XKR4: variants seen among roughly 807,000 people sequenced by gnomAD.
XKR4 encodes the protein XK related 4, also known as XK-related protein 4.
In XKR4, 12 loss-of-function variants were observed where a neutral mutation model predicts 53.9. That is an observed-to-expected ratio of 0.22 (90% CI 0.14 to 0.36). The LOEUF is 0.36. Ranked by LOEUF, XKR4 falls within the 10% of genes least tolerant of loss-of-function variation. The pLI, the probability that XKR4 is intolerant of heterozygous loss-of-function variation, is 1.00. For synonymous variants in XKR4, 354 were observed against 362.4 expected (o/e 0.98, Z 0.26); for missense variants, 799 against 859.5 (o/e 0.93, Z 0.88).
intron 2 of XKR4, among the ~76,000 whole-genome samples, chr8:55,409,615 A>G (rs2129391002): frequency 6.6e-6 from 1 of 150,868 alleles, no homozygotes; most frequent in South Asian, 2.1e-4. Context: ...GTTTAATTTT[A>G]CGTGAACTCT....
At chr8:55,451,659 A>T (rs1336052449) in intron 2 of XKR4, 2 of 1,555,316 alleles carry the variant, frequency 1.3e-6, no homozygotes, top group East Asian at 4.5e-5. Flanking sequence ...TGTCCTGGAC[A>T]CTCTGGGGCA....
At chr8:55,327,665 A>G (rs895788258) in intron 1 of XKR4, among the ~76,000 whole-genome samples, 1 of 152,232 alleles carries the variant, frequency 6.6e-6, no homozygotes, top group East Asian at 1.9e-4. Context: ...CTTTTAATAC[A>G]TATAAGTATA....
At chr8:55,348,299 G>A (rs752667800) in intron 1 of XKR4, among the ~76,000 whole-genome samples, 1 of 152,168 alleles carries the variant, frequency 6.6e-6, no homozygotes, top group Non-Finnish European at 1.5e-5. Context: ...CAGCGTGCTT[G>A]TCATGAGTGA....
rs1169022205 is a variant in XKR4 at position 55,527,666 on chromosome 8, C to T, written c.*3439C>T. The T allele has an allele frequency of 6.6e-6, 1 of 152,184 alleles. No individual in the cohort carries two copies. The highest frequency in any genetic ancestry group is 2.4e-5 in the African/African-American group (1 of 41,450). The allele number at this position is 152,184 out of a possible 1,614,324, so 9.4% of individuals were successfully genotyped here. ...AACTACATACTGTCTAGTTCAATAG[C>T]ACTGACTTTGCAGACACTTAGTTAC... On this transcript the variant is annotated 3_prime_UTR_variant, in exon 3 of 3. Coordinates refer to ENST00000327381, the MANE Select transcript of XKR4 (RefSeq NM_052898.2).
intron 2 of XKR4, among the ~76,000 whole-genome samples, chr8:55,377,632 G>A (rs1021028910): frequency 3.3e-5 from 5 of 152,148 alleles, no homozygotes; most frequent in African/African-American, 7.2e-5. Flanking sequence ...AGGAGAGAAG[G>A]AGGAAGGAAA....
At chr8:55,520,383 C>T (rs1029621856) in intron 2 of XKR4, among the ~76,000 whole-genome samples, 7 of 152,280 alleles carry the variant, frequency 4.6e-5, no homozygotes, top group East Asian at 1.9e-4. Flanking sequence ...GCAAGGAGTT[C>T]GAGACCAGCC....
Position 55,480,575 on chromosome 8 carries a change from T to G in XKR4, c.1007-42706T>G, listed in dbSNP as rs1428426122. On this transcript the variant is annotated intron_variant, in intron 2 of 2. Transcript: ENST00000327381. ...AGGGCAATCAGGCAGGAGAAGGAAA[T>G]AAAGGGTATTCAATTAGGAAAAGAG... Among the ~76,000 whole-genome samples the G allele has an allele frequency of 3.3e-5, 5 of 152,032 alleles. No individual in the cohort carries two copies. The East Asian group carries it at 5.8e-4, about 18-fold the overall frequency.
chr8:55,393,595 A>G (rs1876233), intron 2 of XKR4, among the ~76,000 whole-genome samples: 103,737 of 152,034 alleles, frequency 0.68, 36,336 homozygotes, highest in African/African-American at 0.84. Context: ...AGTTAAGAAA[A>G]TGTTTTGTTA....
Position 55,408,120 on chromosome 8 carries a change from A to T in XKR4, c.1006+50243A>T, listed in dbSNP as rs1804714227. Among the ~76,000 whole-genome samples the T allele has an allele frequency of 2.6e-5, 4 of 152,204 alleles. No homozygotes were observed. The South Asian group carries it at 8.3e-4, about 31-fold the overall frequency. ...TGTCCCTGCAGTAAGCCCCTATCAC[A>T]CAGGGGAAAAGCAGGCAATTAGTAA... On this transcript the variant is annotated intron_variant, in intron 2 of 2. Coordinates refer to ENST00000327381, the MANE Select transcript of XKR4 (RefSeq NM_052898.2).
At chr8:55,182,310 GGGTGCATTTCTTTTATGGATTACACTTT>G (rs1446927931) in intron 1 of XKR4, among the ~76,000 whole-genome samples, 2 of 151,752 alleles carry the variant, frequency 1.3e-5, no homozygotes, top group Non-Finnish European at 2.9e-5. Context: ...ATCACACTTT[GGGTGCATTTCTTTTATGGATTACACTTT>G]GGTGCATTTC....
chr8:55,166,353 G>A (rs1415584238), intron 1 of XKR4, among the ~76,000 whole-genome samples: 1 of 152,178 alleles, frequency 6.6e-6, no homozygotes, highest in African/African-American at 2.4e-5. Flanking sequence ...AGACAGTCTG[G>A]TTGGAAGGGG....
chr8:55,235,638 C>T (rs1171467540), intron 1 of XKR4, among the ~76,000 whole-genome samples: 2 of 152,124 alleles, frequency 1.3e-5, no homozygotes, highest in Non-Finnish European at 2.9e-5. Context: ...CAACTGTCTC[C>T]CTACCTCCCT....
rs561372180 is a variant in XKR4 at position 55,220,812 on chromosome 8, A to C, written c.806+117518A>C. Among the ~76,000 whole-genome samples, 19 of 152,348 alleles carry C rather than the reference A, an allele frequency of 1.2e-4. 1 individual carries two copies. Among genetic ancestry groups the C allele is most frequent in the South Asian group, 1.0e-3 (5 of 4,834 alleles). Reference sequence around the variant, plus strand: ...CTGAGTAGGTGATCTTGAAATAGTTAATCTCCATTTTAATCTTTAATCATA... The same window carrying C: ...CTGAGTAGGTGATCTTGAAATAGTTCATCTCCATTTTAATCTTTAATCATA... On this transcript the variant is annotated intron_variant, in intron 1 of 2. Transcript: ENST00000327381.
intron 1 of XKR4, among the ~76,000 whole-genome samples, chr8:55,177,123 G>T (rs896229137): frequency 6.6e-6 from 1 of 150,794 alleles, no homozygotes; most frequent in East Asian, 2.0e-4. Flanking sequence ...TGCAACCTCC[G>T]CCTCCCAGGT....
chr8:55,450,612 G>A, intron 2 of XKR4: 1 of 705,910 alleles, frequency 1.4e-6, no homozygotes, highest in Non-Finnish European at 2.6e-6. Context: ...ATGGGGAACT[G>A]CAGGTGGAGC....
At chr8:55,509,902 T>C (rs1318648333) in intron 2 of XKR4, among the ~76,000 whole-genome samples, 1 of 152,194 alleles carries the variant, frequency 6.6e-6, no homozygotes, top group African/African-American at 2.4e-5. Context: ...GACTGTGAGG[T>C]TCTTTCCTTT....
At chr8:55,289,591 G>GAAAGAAAGAA (rs751030167) in intron 1 of XKR4, among the ~76,000 whole-genome samples, 2 of 67,380 alleles carry the variant, frequency 3.0e-5, no homozygotes, top group African/African-American at 1.2e-4. Flanking sequence ...AAGAAAGAAA[G>GAAAGAAAGAA]AGAAAGAAAG....
chr8:55,519,810 A>G (rs1806774668), intron 2 of XKR4, among the ~76,000 whole-genome samples: 2 of 152,230 alleles, frequency 1.3e-5, no homozygotes, highest in Non-Finnish European at 2.9e-5. Context: ...ATATTTTAGG[A>G]TAAAGGACCA....
At chr8:55,110,643 C>G (rs1440450771) in intron 1 of XKR4, among the ~76,000 whole-genome samples, 1 of 152,144 alleles carries the variant, frequency 6.6e-6, no homozygotes, top group Non-Finnish European at 1.5e-5. Flanking sequence ...TCGCTAGTTA[C>G]ACTCTGAGAA....
Sources: allele counts gnomAD v4.1 joint callset (sites outside exome capture counted in the v4.1 genomes callset), GRCh38; gene constraint gnomAD v4.1.1; transcripts MANE v1.5; gene names NCBI Gene and HGNC (gene_info 2026-07-23, HGNC 2026-07-21).